The following GAL3ST2 variants were observed in gnomAD, a reference collection of about 807,000 sequenced individuals.
GAL3ST2 encodes the protein galactose-3-O-sulfotransferase 2, also known as beta-galactose-3-O-sulfotransferase 2.
Under a neutral mutation model 12.9 loss-of-function variants are expected in GAL3ST2, and 16 were observed. The ratio of observed to expected loss-of-function variants is 1.24; its 90% CI spans 0.84 to 1.88. The LOEUF (loss-of-function observed/expected upper bound fraction) is 1.88, where lower values mean the gene tolerates loss of function less well. Among genes scored for constraint, GAL3ST2 ranks in the 40% most tolerant of loss-of-function variants. The pLI is 0.00. For synonymous variants in GAL3ST2, 302 were observed against 273.9 expected, an observed-to-expected ratio of 1.10 and a Z score of -1.01; for missense variants, 639 against 571.8, an observed-to-expected ratio of 1.12 and a Z score of -1.20.
In GAL3ST2 at chr2:241,801,403, G is replaced by T; in HGVS notation, c.120-378G>T. 1 of 314,618 alleles carries T rather than the reference G, an allele frequency of 3.2e-6. No individual in the cohort carries two copies. 19.5% of individuals were successfully genotyped at this position (314,618 alleles called of 1,614,324 possible). ...AGCTGCTGGGTCTAAACCGCAAAGG[G>T]GAGGGGGTGTGACGAGGCGTCTACC... On this transcript the variant is annotated intron_variant, in intron 2 of 3. Transcript: ENST00000192314. The surrounding 1 kb of genome is among the most constrained non-coding windows in gnomAD (Gnocchi z 4.4).
At chr2:241,779,714 G>A (rs938643024) in intron 1 of GAL3ST2, among the ~76,000 whole-genome samples, 6 of 151,544 alleles carry the variant, frequency 4.0e-5, no homozygotes, top group East Asian at 3.9e-4. Flanking sequence ...GGCCGGGCGC[G>A]GTGGCTCACA....
rs1334831106 is a variant in GAL3ST2, at chr2:241,776,890, C to T, written c.-66C>T. The stretch of plus-strand genomic sequence containing the variant: ...TGGGGAGCCCAGAGCCGGCAGGGGC[C>T]GAGGCGGTGGGACCTCGGGGGAGCT... On this transcript the variant is annotated 5_prime_UTR_variant, in exon 1 of 4. Coordinates refer to ENST00000192314, the MANE Select transcript of GAL3ST2 (RefSeq NM_022134.3). The T allele has an allele frequency of 1.5e-5, 20 of 1,365,600 alleles. No individual in the cohort carries two copies. Among genetic ancestry groups the T allele is most frequent in the Middle Eastern group, 2.0e-4 (1 of 5,066 alleles). 84.6% of individuals were successfully genotyped at this position (1,365,600 alleles called of 1,614,324 possible).
intron 1 of GAL3ST2, among the ~76,000 whole-genome samples, chr2:241,794,077 G>T (rs1199114279): frequency 1.3e-5 from 2 of 152,106 alleles, no homozygotes; most frequent in Non-Finnish European, 2.9e-5. Context: ...CTCTTAAGTA[G>T]CTGGGACCAC....
chr2:241,793,080 T>G lies in GAL3ST2; in HGVS notation c.30-5985T>G, dbSNP rs1386275924. Among the ~76,000 whole-genome samples, 2 of 152,180 alleles carry G rather than the reference T, an allele frequency of 1.3e-5. No individual in the cohort carries two copies. The highest frequency in any genetic ancestry group is 1.3e-4 in the Admixed American group (2 of 15,286). ...ACTGATGTCTCATGTCTCCCTACAA[T>G]GTATAAAGCCAGACTGTGCCCTGAC... On this transcript the variant is annotated intron_variant, in intron 1 of 3. Coordinates refer to ENST00000192314, the MANE Select transcript of GAL3ST2 (RefSeq NM_022134.3). This position sits in a 1 kb window ranked among gnomAD's most constrained non-coding sequence, Gnocchi z 4.7.
intron 1 of GAL3ST2, among the ~76,000 whole-genome samples, chr2:241,786,138 T>TG (rs1368803824): frequency 0.021 from 2,948 of 138,892 alleles, 174 homozygotes; most frequent in East Asian, 0.11. Context: ...CCACACACCT[T>TG]TTGTGTGTGT....
intron 1 of GAL3ST2, among the ~76,000 whole-genome samples, chr2:241,797,061 A>T (rs1175840626): frequency 6.6e-6 from 1 of 152,170 alleles, no homozygotes; most frequent in East Asian, 1.9e-4. Flanking sequence ...GTCTCACTGT[A>T]TTGCCCAGGC....
chr2:241,783,669 CTAAT>C (rs1426582072), intron 1 of GAL3ST2, among the ~76,000 whole-genome samples: 1 of 151,954 alleles, frequency 6.6e-6, no homozygotes, highest in South Asian at 2.1e-4. Flanking sequence ...ATACATTTAC[CTAAT>C]TATTTTATTT....
intron 3 of GAL3ST2, 81 bp from the exon 4 acceptor site, chr2:241,803,264 C>A: frequency 8.5e-7 from 1 of 1,171,832 alleles, no homozygotes; most frequent in Non-Finnish European, 1.2e-6. Context: ...GCGGGTGTGG[C>A]CAGGGCGCGC....
At position 241,795,349 on chromosome 2, in the gene GAL3ST2, A is replaced by G. The variant is rs760976291; in HGVS notation, c.30-3716A>G. On this transcript the variant is annotated intron_variant, in intron 1 of 3. Coordinates refer to ENST00000192314, the MANE Select transcript of GAL3ST2 (RefSeq NM_022134.3). The surrounding 1 kb of genome is among the most constrained non-coding windows in gnomAD (Gnocchi z 4.5). Reference sequence around the variant, plus strand: ...TTAATTGGGCAGTTGCAAAGAACAGAGACAGATTCATGCTGCCGCAAGGCC... The same window carrying G: ...TTAATTGGGCAGTTGCAAAGAACAGGGACAGATTCATGCTGCCGCAAGGCC... 4.6e-5 allele frequency among the ~76,000 whole-genome samples: 7 copies of G among 152,200 alleles called. No individual in the cohort carries two copies. The highest frequency in any genetic ancestry group is 1.0e-4 in the Non-Finnish European group (7 of 68,036).
Position 241,793,435 on chromosome 2 carries a change from G to GTGTA in GAL3ST2, c.30-5621_30-5618dup, listed in dbSNP as rs367714241. On this transcript the variant is annotated intron_variant, in intron 1 of 3. Transcript: ENST00000192314. The surrounding 1 kb of genome is among the most constrained non-coding windows in gnomAD (Gnocchi z 4.7). ...ACATGTACGTGTGTATATTGTGTAC[G>GTGTA]TGTATGTATGTACTGTGTATGCGTG... Among the ~76,000 whole-genome samples the GTGTA allele has an allele frequency of 1.3e-5, 2 of 150,986 alleles. No homozygotes were observed. Among genetic ancestry groups the GTGTA allele is most frequent in the Non-Finnish European group, 2.9e-5 (2 of 67,934 alleles).
rs1410717278 is a variant in GAL3ST2 at position 241,802,537 on chromosome 2, G to A, written c.375+501G>A. On this transcript the variant is annotated intron_variant, in intron 3 of 3. Transcript: ENST00000192314. The surrounding 1 kb of genome is among the most constrained non-coding windows in gnomAD (Gnocchi z 4.8). Reference sequence around the variant, plus strand: ...CGCTCTGTGGAGAATGGCCAGCAGAGGCTAGGTGACCAGGCGGGGCCAGAG... The same window carrying A: ...CGCTCTGTGGAGAATGGCCAGCAGAAGCTAGGTGACCAGGCGGGGCCAGAG... 6.6e-6 allele frequency among the ~76,000 whole-genome samples: 1 copy of A among 152,008 alleles called. No homozygotes were observed. The highest frequency in any genetic ancestry group is 1.5e-5 in the Non-Finnish European group (1 of 67,976).
intron 1 of GAL3ST2, among the ~76,000 whole-genome samples, chr2:241,781,000 C>G (rs1326624950): frequency 1.3e-5 from 2 of 152,218 alleles, no homozygotes; most frequent in Non-Finnish European, 2.9e-5. Flanking sequence ...GGTAAAATAA[C>G]CAGTTTCTCC....
At chr2:241,787,459 G>A (rs1269215952) in intron 1 of GAL3ST2, among the ~76,000 whole-genome samples, 4 of 152,004 alleles carry the variant, frequency 2.6e-5, no homozygotes, top group South Asian at 2.1e-4. Context: ...GCTGATGTCC[G>A]GGAGCACCCC....
intron 1 of GAL3ST2, among the ~76,000 whole-genome samples, chr2:241,782,305 ATTTAT>A (rs773167336): frequency 6.6e-6 from 1 of 151,900 alleles, no homozygotes; most frequent in African/African-American, 2.4e-5. Flanking sequence ...AGATAGCTTT[ATTTAT>A]TTTATTTTAT....
At chr2:241,794,388 T>G (rs1699745217) in intron 1 of GAL3ST2, among the ~76,000 whole-genome samples, 1 of 152,210 alleles carries the variant, frequency 6.6e-6, no homozygotes, top group South Asian at 2.1e-4. Context: ...CGAGGCCTGG[T>G]GCCTCAAGCT....
chr2:241,785,289 C>T (rs1490971691), intron 1 of GAL3ST2, among the ~76,000 whole-genome samples: 4 of 152,188 alleles, frequency 2.6e-5, no homozygotes, highest in Admixed American at 6.5e-5. Flanking sequence ...TGGTGGCTCA[C>T]GCCTGTAATC....
intron 3 of GAL3ST2, 146 bp from the exon 4 acceptor site, chr2:241,803,199 A>G (rs570543639): frequency 4.6e-6 from 3 of 653,652 alleles, no homozygotes; most frequent in Admixed American, 6.2e-5. Flanking sequence ...CTGCCGCACG[A>G]GAAGGCGCCA....
chr2:241,803,681 C>G lies in GAL3ST2; in HGVS notation c.712C>G (p.Arg238Gly). ...CCTGGACGAGTCCCTGGTGCTGCTGCGGCGCCGGCTGCGCTGGGCGCTGGA... is the reference window on the plus strand; with the variant it reads ...CCTGGACGAGTCCCTGGTGCTGCTGGGGCGCCGGCTGCGCTGGGCGCTGGA... ...EHLDESLVLL[R>G]RRLRWALDDV... Residue 238 changes from arginine to glycine, a missense_variant, in exon 4 of 4, where the codon CGG becomes GGG. Coordinates refer to ENST00000192314, the MANE Select transcript of GAL3ST2 (RefSeq NM_022134.3). 7.1e-6 allele frequency: 11 copies of G among 1,546,714 alleles called. No individual in the cohort carries two copies. Among genetic ancestry groups the G allele is most frequent in the Non-Finnish European group, 9.6e-6 (11 of 1,144,978 alleles).
chr2:241,803,211 G>T, intron 3 of GAL3ST2, 134 bp from the exon 4 acceptor site: 1 of 710,232 alleles, frequency 1.4e-6, no homozygotes, highest in East Asian at 2.8e-5. Context: ...AAGGCGCCAG[G>T]CCCAGGTTCC....
Sources: gnomAD v4.1 joint callset for allele counts (sites outside exome capture counted in the v4.1 genomes callset) on GRCh38, gnomAD v4.1.1 for gene constraint, Gnocchi (gnomAD v3.1) non-coding constraint, MANE v1.5 for transcripts, NCBI Gene and HGNC (gene_info 2026-07-23, HGNC 2026-07-21) for gene names.